The following SAXO1 variants were observed in gnomAD, a reference collection of about 807,000 sequenced individuals.
SAXO1 encodes stabilizer of axonemal microtubules 1.
A neutral mutation model predicts 17.5 loss-of-function variants in SAXO1; 21 were observed. That is an observed-to-expected ratio of 1.20 (90% CI 0.85 to 1.72). The LOEUF is 1.72. Ranked by LOEUF, SAXO1 falls within the 40% of genes most tolerant of loss-of-function variation. SAXO1 has a pLI of 0.00. For synonymous variants in SAXO1, 274 were observed against 216.5 expected, an observed-to-expected ratio of 1.27 and a Z score of -2.33; for missense variants, 843 against 596.0, an observed-to-expected ratio of 1.41 and a Z score of -4.32.
Position 18,988,787 on chromosome 9 carries a change from T to G in SAXO1, c.39-37850A>C, listed in dbSNP as rs918492638. On this transcript the variant is annotated intron_variant, in intron 1 of 3. Transcript: ENST00000380534. ...GTATGATTTATGTGATGCTGAGCACTTTGTCAGGAATAAAACCCCTAATTA... is the reference window on the plus strand; with the variant it reads ...GTATGATTTATGTGATGCTGAGCACGTTGTCAGGAATAAAACCCCTAATTA... Among the ~76,000 whole-genome samples the G allele has an allele frequency of 7.2e-5, 11 of 152,190 alleles. No individual in the cohort carries two copies. The South Asian group carries it at 1.0e-3, about 14-fold the overall frequency.
At chr9:19,031,068 G>C (rs1835744641) in intron 1 of SAXO1, among the ~76,000 whole-genome samples, 2 of 152,246 alleles carry the variant, frequency 1.3e-5, no homozygotes, top group African/African-American at 4.8e-5. Flanking sequence ...AACAGAGTCA[G>C]AGAAGGAACA....
At chr9:19,012,076 C>A (rs1834764293) in intron 1 of SAXO1, among the ~76,000 whole-genome samples, 1 of 151,380 alleles carries the variant, frequency 6.6e-6, no homozygotes, top group African/African-American at 2.4e-5. Flanking sequence ...GATCTCTTGA[C>A]CTCATGATCC....
intron 1 of SAXO1, among the ~76,000 whole-genome samples, chr9:19,001,622 G>A (rs1380343602): frequency 3.3e-5 from 5 of 150,592 alleles, no homozygotes; most frequent in South Asian, 2.1e-4. Context: ...AGCCGAGATC[G>A]CGCATTGCAC....
rs78766982 is a variant in SAXO1, at chr9:18,958,031, C to T, written c.39-7094G>A. On this transcript the variant is annotated intron_variant, in intron 1 of 3. Coordinates refer to ENST00000380534, the MANE Select transcript of SAXO1 (RefSeq NM_153707.4). ...TATCTCATACTCCCTACCTACACCTCGTCTGTAGAGATCTTTAAAGAATCA... is the reference window on the plus strand; with the variant it reads ...TATCTCATACTCCCTACCTACACCTTGTCTGTAGAGATCTTTAAAGAATCA... 8.8e-3 allele frequency among the ~76,000 whole-genome samples: 1,334 copies of T among 152,280 alleles called. 20 individuals are homozygous for T. Among genetic ancestry groups the T allele is most frequent in the African/African-American group, 0.03 (1,254 of 41,556 alleles).
chr9:18,957,110 C>A (rs915365629), intron 1 of SAXO1, among the ~76,000 whole-genome samples: 1 of 152,178 alleles, frequency 6.6e-6, no homozygotes, highest in Admixed American at 6.5e-5. Context: ...TATGTCTGCC[C>A]TTCCAAGTTC....
At chr9:19,024,447 TG>T (rs906497741) in intron 1 of SAXO1, among the ~76,000 whole-genome samples, 3 of 138,086 alleles carry the variant, frequency 2.2e-5, no homozygotes, top group African/African-American at 8.5e-5. Context: ...AGTTGTGGGG[TG>T]GGGCGAGGGG....
chr9:18,982,537 C>T (rs1833434411), intron 1 of SAXO1, among the ~76,000 whole-genome samples: 1 of 152,160 alleles, frequency 6.6e-6, no homozygotes. Flanking sequence ...TGGATGACTT[C>T]CAACAGAGTC....
intron 1 of SAXO1, among the ~76,000 whole-genome samples, chr9:19,032,495 A>G (rs918730627): frequency 1.4e-4 from 22 of 152,262 alleles, no homozygotes; most frequent in African/African-American, 3.9e-4. Context: ...GTTATACTAC[A>G]GGAATTCTCC....
intron 1 of SAXO1, among the ~76,000 whole-genome samples, chr9:19,000,289 C>T (rs575023078): frequency 4.6e-5 from 7 of 150,552 alleles, no homozygotes; most frequent in South Asian, 2.1e-4. Flanking sequence ...TCTGCCCAGC[C>T]GCCCCACCCT....
At chr9:19,015,600 C>T (rs542448230) in intron 1 of SAXO1, among the ~76,000 whole-genome samples, 1 of 151,646 alleles carries the variant, frequency 6.6e-6, no homozygotes, top group African/African-American at 2.4e-5. Flanking sequence ...ACTTCTGCCT[C>T]CCAAAGTGCT....
chr9:19,011,725 T>C (rs528807133), intron 1 of SAXO1, among the ~76,000 whole-genome samples: 1 of 152,322 alleles, frequency 6.6e-6, no homozygotes, highest in African/African-American at 2.4e-5. Context: ...ATCCAGTTTT[T>C]AAATAACACA....
At chr9:19,022,362 G>A (rs910150082) in intron 1 of SAXO1, among the ~76,000 whole-genome samples, 1 of 152,210 alleles carries the variant, frequency 6.6e-6, no homozygotes, top group African/African-American at 2.4e-5. Flanking sequence ...CTTGAAGTGA[G>A]TGAGACCAAG....
chr9:19,047,311 C>T lies in SAXO1; in HGVS notation c.-158+1898G>A, dbSNP rs186096414. On this transcript the variant is annotated intron_variant, in intron 1 of 3. Coordinates refer to the SAXO1 transcript ENST00000542071. ...CCCAGGAGGTGGAGGTTGCAGTGAG[C>T]CAAGATCGTGCAACTACACTCTAGC... Among the ~76,000 whole-genome samples, 136 of 152,178 alleles carry T rather than the reference C, an allele frequency of 8.9e-4. 1 individual carries two copies. Among genetic ancestry groups the T allele is most frequent in the Admixed American group, 8.8e-3 (135 of 15,276 alleles).
chr9:18,928,213 C>CTAG lies in SAXO1; in HGVS notation c.1261_1263dup (p.Leu421dup), dbSNP rs754310333. The CTAG allele has an allele frequency of 1.1e-5, 17 of 1,614,176 alleles. No homozygotes were observed. Among genetic ancestry groups the CTAG allele is most frequent in the Middle Eastern group, 3.3e-4 (2 of 6,062 alleles). Reference sequence around the variant, plus strand: ...TAGCCAGGAGGCTCAGGATATGAAGCTAGGCACCTGCCCATTTCCTTGGGA... The same window carrying CTAG: ...TAGCCAGGAGGCTCAGGATATGAAGCTAGTAGGCACCTGCCCATTTCCTTGGGA... On this transcript the variant is annotated inframe_insertion, in exon 4 of 4. Transcript: ENST00000380534.
At chr9:18,930,657 AC>A (rs1406650698) in intron 3 of SAXO1, among the ~76,000 whole-genome samples, 3 of 152,036 alleles carry the variant, frequency 2.0e-5, no homozygotes, top group South Asian at 2.1e-4. Context: ...GTGCCACCGC[AC>A]CCGGCTAATT....
At chr9:18,930,911 G>A (rs1831018260) in intron 3 of SAXO1, among the ~76,000 whole-genome samples, 1 of 152,162 alleles carries the variant, frequency 6.6e-6, no homozygotes, top group South Asian at 2.1e-4. Context: ...TGAATCTATA[G>A]GGAATTCTCT....
intron 1 of SAXO1, among the ~76,000 whole-genome samples, chr9:19,043,556 C>T (rs1296493168): frequency 1.3e-5 from 2 of 152,010 alleles, no homozygotes; most frequent in African/African-American, 4.8e-5. Context: ...CACTTGAGCC[C>T]GGGAATTCAA....
rs1028806413 is a variant in SAXO1, at chr9:18,927,952, T to G, written c.*100A>C. The G allele has an allele frequency of 7.2e-6, 10 of 1,390,956 alleles. No homozygotes were observed. The African/African-American group carries it at 1.2e-4, about 16-fold the overall frequency. 86.2% of individuals were successfully genotyped at this position (1,390,956 alleles called of 1,614,324 possible). ...AGTGGTGAAGGTTTTTTGTTTTTTG[T>G]TTTTTGTCATTTTAGGGAATTCTTT... On this transcript the variant is annotated 3_prime_UTR_variant, in exon 4 of 4. Transcript: ENST00000380534.
At chr9:19,031,703 C>T (rs1269984506) in intron 1 of SAXO1, among the ~76,000 whole-genome samples, 8 of 152,288 alleles carry the variant, frequency 5.3e-5, no homozygotes, top group Middle Eastern at 3.4e-3. Context: ...CAGTGAGTCC[C>T]AGTCCTAGCA....
Sources: gnomAD v4.1 joint callset for allele counts (sites outside exome capture counted in the v4.1 genomes callset) on GRCh38, gnomAD v4.1.1 for gene constraint, MANE v1.5 for transcripts, NCBI Gene and HGNC (gene_info 2026-07-23, HGNC 2026-07-21) for gene names.